The following DOCK8 variants were observed in gnomAD, a reference collection of about 807,000 sequenced individuals.
DOCK8 encodes the protein dedicator of cytokinesis 8.
A neutral mutation model predicts 245.6 loss-of-function variants in DOCK8; 141 were observed. That is an observed-to-expected ratio of 0.57 (90% CI 0.50 to 0.66). DOCK8 has a LOEUF of 0.66. Ranked by LOEUF, DOCK8 falls within the 30% of genes least tolerant of loss-of-function variation. The pLI is 0.00. For synonymous variants in DOCK8, 1,168 were observed against 970.2 expected (o/e 1.20, Z -3.79); for missense variants, 2,965 against 2,603.4 (o/e 1.14, Z -3.02).
At chr9:239,484 G>C (rs144583795) in intron 1 of DOCK8, among the ~76,000 whole-genome samples, 4 of 152,278 alleles carry the variant, frequency 2.6e-5, no homozygotes, top group African/African-American at 7.2e-5. Flanking sequence ...TGAGAGATGG[G>C]AAAGAAAGGA....
At chr9:415,011 C>A in intron 29 of DOCK8, 60 bp downstream of exon 29, 1 of 1,594,542 alleles carries the variant, frequency 6.3e-7, no homozygotes, top group South Asian at 1.1e-5. Flanking sequence ...ATGCCCCATC[C>A]GAATGAGATC....
chr9:334,547 T>A (rs1020130685), intron 11 of DOCK8, among the ~76,000 whole-genome samples, 163 bp downstream of exon 11: 2 of 152,210 alleles, frequency 1.3e-5, no homozygotes, highest in African/African-American at 4.8e-5. Context: ...TACGTAGATT[T>A]GGACGGTGAT....
At position 312,100 on chromosome 9, in the gene DOCK8, G is replaced by C. The variant is rs781538473; in HGVS notation, c.675G>C (p.Gln225His). The change falls in exon 6 of 48, where the codon CAG becomes CAC. Residue 225 changes from glutamine (Q) to histidine (H), a missense_variant. This residue lies in a region of DOCK8 where 2,825 missense variants were observed against 2,453.5 expected (regional missense o/e 1.15). Transcript: ENST00000432829. ...QQVSAEDFEK[Q>H]NEEARRTNRQ... ...TGAGTGCCGAGGACTTTGAGAAGCAGAACGAGGAGGCCCGGAGGACCAATA... is the reference window on the plus strand; with the variant it reads ...TGAGTGCCGAGGACTTTGAGAAGCACAACGAGGAGGCCCGGAGGACCAATA... 3.1e-6 allele frequency: 5 copies of C among 1,614,122 alleles called. No individual in the cohort carries two copies. The highest frequency in any genetic ancestry group is 2.2e-5 in the East Asian group (1 of 44,900).
intron 26 of DOCK8, among the ~76,000 whole-genome samples, chr9:400,241 CCACCTCCACCAT>C (rs2054795412): frequency 5.0e-5 from 4 of 79,974 alleles, no homozygotes; most frequent in African/African-American, 1.4e-4. Context: ...ACCATCACCA[CCACCTCCACCAT>C]CACCACCACC....
At chr9:333,533 G>A (rs974975058) in intron 10 of DOCK8, among the ~76,000 whole-genome samples, 21 of 152,016 alleles carry the variant, frequency 1.4e-4, no homozygotes, top group Admixed American at 5.9e-4. Flanking sequence ...CCTGGGAGGC[G>A]GAGGTTGCAG....
chr9:215,201 G>C lies in DOCK8; in HGVS notation c.53+172G>C, dbSNP rs1293492908. The C allele has an allele frequency of 4.6e-6, 7 of 1,520,410 alleles. No individual in the cohort carries two copies. In the East Asian group the frequency reaches 1.8e-4, roughly 40 times the overall value. 94.2% of individuals were successfully genotyped at this position (1,520,410 alleles called of 1,614,324 possible). A position where few individuals can be genotyped will look rare whatever the true frequency, so the allele number is the denominator to read the frequency against. On this transcript the variant is annotated intron_variant, in intron 1 of 47. Transcript: ENST00000432829. Reference sequence around the variant, plus strand: ...GGCTGCGGCGGTGGAGCCGCTGGACGCGCGGCGGCTCCTGCGCTGGGCCCG... The same window carrying C: ...GGCTGCGGCGGTGGAGCCGCTGGACCCGCGGCGGCTCCTGCGCTGGGCCCG...
intron 1 of DOCK8, among the ~76,000 whole-genome samples, chr9:235,582 C>T (rs1213096715): frequency 6.6e-6 from 1 of 152,086 alleles, no homozygotes; most frequent in East Asian, 1.9e-4. Flanking sequence ...TTTACCTAAT[C>T]AAACAACTAA....
rs569685446 is a variant in DOCK8, at chr9:464,423, C to T, written c.*204C>T. Reference sequence around the variant, plus strand: ...AGATTTTTGCCATACTGGGGGGTGGCGGGATGGAGGATGGGTACTCAGGCA... The same window carrying T: ...AGATTTTTGCCATACTGGGGGGTGGTGGGATGGAGGATGGGTACTCAGGCA... On this transcript the variant is annotated 3_prime_UTR_variant, in exon 48 of 48. Transcript: ENST00000432829. 31 of 636,126 alleles carry T rather than the reference C, an allele frequency of 4.9e-5. No individual in the cohort carries two copies. The highest frequency in any genetic ancestry group is 2.7e-4 in the Admixed American group (11 of 40,586). 39.4% of individuals were successfully genotyped at this position (636,126 alleles called of 1,614,324 possible). A position where few individuals can be genotyped will look rare whatever the true frequency, so the allele number is the denominator to read the frequency against.
At chr9:300,408 TCAAA>T (rs2049483427) in intron 4 of DOCK8, among the ~76,000 whole-genome samples, 1 of 151,806 alleles carries the variant, frequency 6.6e-6, no homozygotes, top group South Asian at 2.1e-4. Context: ...GTTCAGGAAA[TCAAA>T]CAAAATGGTG....
intron 14 of DOCK8, among the ~76,000 whole-genome samples, chr9:348,240 A>G (rs1441392880): frequency 1.3e-5 from 2 of 152,200 alleles, no homozygotes; most frequent in African/African-American, 4.8e-5. Flanking sequence ...TGCTTACTAT[A>G]CATATTTACA....
chr9:436,331 C>T (rs1250290034), intron 39 of DOCK8, among the ~76,000 whole-genome samples: 2 of 152,192 alleles, frequency 1.3e-5, no homozygotes, highest in Non-Finnish European at 2.9e-5. Context: ...GATTTCAAAT[C>T]ACATAGAAGT....
intron 12 of DOCK8, among the ~76,000 whole-genome samples, chr9:337,696 G>A (rs917589823): frequency 6.6e-6 from 1 of 152,182 alleles, no homozygotes; most frequent in Non-Finnish European, 1.5e-5. Context: ...ACGGTATAGA[G>A]ACAGAAAGTA....
chr9:263,034 C>T (rs2047954832), intron 1 of DOCK8, among the ~76,000 whole-genome samples: 1 of 152,040 alleles, frequency 6.6e-6, no homozygotes, highest in Non-Finnish European at 1.5e-5. Flanking sequence ...TGGTGAAACC[C>T]CGTCTTTACT....
At position 340,290 on chromosome 9, in the gene DOCK8, C is replaced by T. The variant is rs1057518028; in HGVS notation, c.1648C>T (p.Arg550Ter). 1 of 1,614,098 alleles carries T rather than the reference C, an allele frequency of 6.2e-7. No individual in the cohort carries two copies. The highest frequency in any genetic ancestry group is 8.5e-7 in the Non-Finnish European group (1 of 1,180,004). The stretch of plus-strand genomic sequence containing the variant: ...CAAAGAGATTTTGGAATTTCCAACA[C>T]GAGAAGTATATGTCCCTCACACTGT... Reference protein sequence around the residue: ...PHKEILEFPTREVYVPHTVYR... With the variant: ...PHKEILEFPT Residue 550 changes from arginine (R) to a stop codon, truncating the protein, a stop_gained, in exon 14 of 48, where the codon CGA (arginine) becomes TGA (stop). Coordinates refer to ENST00000432829, the MANE Select transcript of DOCK8 (RefSeq NM_203447.4). LOFTEE classifies it high-confidence loss of function.
chr9:250,678 C>G (rs2047623480), intron 1 of DOCK8, among the ~76,000 whole-genome samples: 1 of 152,200 alleles, frequency 6.6e-6, no homozygotes, highest in African/African-American at 2.4e-5. Flanking sequence ...AAAGCCCATT[C>G]AAGAAACTGA....
intron 1 of DOCK8, among the ~76,000 whole-genome samples, chr9:258,923 A>G (rs1004260814): frequency 6.6e-6 from 1 of 152,066 alleles, no homozygotes; most frequent in African/African-American, 2.4e-5. Context: ...AGATACTTTC[A>G]TAATAGTTTA....
intron 14 of DOCK8, among the ~76,000 whole-genome samples, chr9:360,105 C>T (rs960256412): frequency 1.3e-5 from 2 of 151,916 alleles, no homozygotes; most frequent in Non-Finnish European, 2.9e-5. Context: ...CACTTGAGGT[C>T]AGGAGTTCGA....
At chr9:295,573 G>A (rs960152714) in intron 4 of DOCK8, among the ~76,000 whole-genome samples, 3 of 152,174 alleles carry the variant, frequency 2.0e-5, no homozygotes, top group African/African-American at 7.2e-5. Context: ...GCACCATGGA[G>A]GGGGGACCTG....
upstream of DOCK8, chr9:214,687 C>A (rs529474381): frequency 6.2e-5 from 97 of 1,576,916 alleles, 1 homozygote; most frequent in African/African-American, 6.1e-4. Context: ...GGGCAGAGCG[C>A]GCCGTCTGCC....
Sources: allele counts gnomAD v4.1 joint callset (sites outside exome capture counted in the v4.1 genomes callset), GRCh38; gene constraint gnomAD v4.1.1; regional missense constraint gnomAD v4.1.1; transcripts MANE v1.5; gene names NCBI Gene and HGNC (gene_info 2026-07-23, HGNC 2026-07-21).